KATNIP: variants seen among roughly 807,000 people sequenced by gnomAD.
The protein encoded by KATNIP is katanin interacting protein.
Under a neutral mutation model 174.0 loss-of-function variants are expected in KATNIP, and 126 were observed. The ratio of observed to expected loss-of-function variants is 0.72; its 90% CI spans 0.63 to 0.84. The LOEUF (loss-of-function observed/expected upper bound fraction) is 0.84, where lower values mean the gene tolerates loss of function less well. KATNIP is among the 40% of genes least tolerant of loss of function. KATNIP has a pLI of 0.00. For synonymous variants in KATNIP, 810 were observed against 835.7 expected, an observed-to-expected ratio of 0.97 and a Z score of 0.53; for missense variants, 1,958 against 2,109.7, an observed-to-expected ratio of 0.93 and a Z score of 1.41.
In KATNIP at chr16:27,777,986, T is replaced by C. The variant is rs778330905; in HGVS notation, c.4801+17T>C. On this transcript the variant is annotated intron_variant, in intron 27 of 27. Transcript: ENST00000261588. The surrounding 1 kb of genome is among the most constrained non-coding windows in gnomAD (Gnocchi z 4.4). Reference sequence around the variant, plus strand: ...TTGACCCAGGTCAGTGGCGTTTCTCTGCCCAGAGCATTGTGCCTTGGGAGC... The same window carrying C: ...TTGACCCAGGTCAGTGGCGTTTCTCCGCCCAGAGCATTGTGCCTTGGGAGC... The C allele has an allele frequency of 3.1e-6, 5 of 1,610,978 alleles. No individual in the cohort carries two copies. In the African/African-American group the frequency reaches 5.3e-5, roughly 17 times the overall value.
intron 5 of KATNIP, among the ~76,000 whole-genome samples, chr16:27,633,870 T>G (rs144264119): frequency 2.0e-5 from 3 of 152,324 alleles, no homozygotes; most frequent in African/African-American, 7.2e-5. Context: ...GTGATCTTTC[T>G]GCCTCCCCAC....
chr16:27,776,904 T>A lies in KATNIP; in HGVS notation c.4450-24T>A. The stretch of plus-strand genomic sequence containing the variant: ...GCCTCTGTTTCCAAACATGCCTGTT[T>A]TAATTAGTGCCGCTCTCTGACAGGT... On this transcript the variant is annotated intron_variant, in intron 24 of 27. Transcript: ENST00000261588. This position sits in a 1 kb window ranked among gnomAD's most constrained non-coding sequence, Gnocchi z 4.7. 6.5e-7 allele frequency: 1 copy of A among 1,543,036 alleles called. No homozygotes were observed. The highest frequency in any genetic ancestry group is 9.0e-7 in the Non-Finnish European group (1 of 1,115,730).
intron 2 of KATNIP, among the ~76,000 whole-genome samples, chr16:27,607,061 G>T (rs2075731330): frequency 6.6e-6 from 1 of 152,186 alleles, no homozygotes; most frequent in South Asian, 2.1e-4. Flanking sequence ...GGGAGGCATA[G>T]CTTGGGAAGC....
chr16:27,768,513 A>C (rs931219041), intron 20 of KATNIP, among the ~76,000 whole-genome samples: 2 of 152,170 alleles, frequency 1.3e-5, no homozygotes, highest in African/African-American at 4.8e-5. Context: ...TGGCAGCTCC[A>C]GGCTTATGTC....
At chr16:27,560,838 C>T (rs2089852400) in intron 1 of KATNIP, among the ~76,000 whole-genome samples, 1 of 152,148 alleles carries the variant, frequency 6.6e-6, no homozygotes, top group Non-Finnish European at 1.5e-5. Flanking sequence ...AGGACTGGCA[C>T]AGGCAGATCC....
At chr16:27,577,907 T>C (rs2090558171) in intron 2 of KATNIP, among the ~76,000 whole-genome samples, 1 of 152,038 alleles carries the variant, frequency 6.6e-6, no homozygotes, top group African/African-American at 2.4e-5. Context: ...AAAATAAAAG[T>C]TCCCAGGTGA....
chr16:27,606,849 A>G (rs1465422188), intron 2 of KATNIP, among the ~76,000 whole-genome samples: 1 of 151,964 alleles, frequency 6.6e-6, no homozygotes, highest in Non-Finnish European at 1.5e-5. Context: ...TATAGGCATG[A>G]GCCATCGTGC....
chr16:27,684,324 T>A (rs1208581427), intron 8 of KATNIP, among the ~76,000 whole-genome samples: 2 of 152,214 alleles, frequency 1.3e-5, no homozygotes, highest in African/African-American at 4.8e-5. Context: ...GAATCTCTGC[T>A]CTTAATTACT....
chr16:27,633,034 GC>G (rs1315562311), intron 5 of KATNIP, among the ~76,000 whole-genome samples: 4 of 152,154 alleles, frequency 2.6e-5, no homozygotes, highest in African/African-American at 9.7e-5. Flanking sequence ...ACAGGCATGA[GC>G]CACCGCGCCC....
At chr16:27,747,013 C>T (rs554570978) in intron 15 of KATNIP, among the ~76,000 whole-genome samples, 6 of 152,264 alleles carry the variant, frequency 3.9e-5, no homozygotes, top group African/African-American at 1.4e-4. Flanking sequence ...AAGGATGGTG[C>T]CTAGGGAAGA....
chr16:27,704,145 G>C (rs2079208506), intron 12 of KATNIP, 147 bp downstream of exon 12: 1 of 654,080 alleles, frequency 1.5e-6, no homozygotes, highest in East Asian at 2.8e-5. Flanking sequence ...CTGGCACACA[G>C]AGGTATATAT....
intron 13 of KATNIP, chr16:27,718,405 T>A (rs1165999416): frequency 6.6e-6 from 1 of 152,258 alleles, no homozygotes; most frequent in Admixed American, 6.5e-5. Context: ...TTTCCCAGCA[T>A]GTGCCAGGTC....
intron 8 of KATNIP, among the ~76,000 whole-genome samples, chr16:27,682,975 A>G (rs1057413512): frequency 6.6e-6 from 1 of 152,198 alleles, no homozygotes; most frequent in Admixed American, 6.5e-5. Context: ...ACCAGCAAGA[A>G]GGCCCTCGTC....
chr16:27,559,128 G>A (rs547447084), intron 1 of KATNIP, among the ~76,000 whole-genome samples: 1 of 152,290 alleles, frequency 6.6e-6, no homozygotes, highest in South Asian at 2.1e-4. Context: ...GAGCAATGTG[G>A]TTGGTTGCAA....
In KATNIP at chr16:27,637,886, G is replaced by A. The variant is rs977798474; in HGVS notation, c.408+6724G>A. ...GAAAGGACCGCCCATGGGAGCAAGG[G>A]GCTACAGGAGGACCAGGAAGCCTTT... On this transcript the variant is annotated intron_variant, in intron 5 of 27. Transcript: ENST00000261588. This position sits in a 1 kb window ranked among gnomAD's most constrained non-coding sequence, Gnocchi z 4.7. Among the ~76,000 whole-genome samples the A allele has an allele frequency of 1.3e-5, 2 of 152,102 alleles. No homozygotes were observed. The highest frequency in any genetic ancestry group is 2.9e-5 in the Non-Finnish European group (2 of 68,018).
Position 27,681,472 on chromosome 16 carries a change from G to A in KATNIP, c.882G>A (p.Glu294=). The part of the protein sequence containing the change: ...NAEVFVPTKP[E]PNLTPQAPAV... ...AGGTTTTCGTTCCCACCAAACCTGA[G>A]CCAAACCTGACTCCCCAAGCTCCTG... is the stretch of plus-strand genomic sequence containing the variant. Residue 294 remains glutamate (E), a synonymous_variant, in exon 8 of 28, where the codon GAG becomes GAA. Coordinates refer to ENST00000261588, the MANE Select transcript of KATNIP (RefSeq NM_015202.5). 6.2e-7 allele frequency: 1 copy of A among 1,614,190 alleles called. No homozygotes were observed. The highest frequency in any genetic ancestry group is 8.5e-7 in the Non-Finnish European group (1 of 1,180,018).
rs1407422850 is a variant in KATNIP, at chr16:27,775,008, C to T, written c.4373C>T (p.Pro1458Leu). The T allele has an allele frequency of 1.9e-6, 3 of 1,613,824 alleles. No homozygotes were observed. The highest frequency in any genetic ancestry group is 2.5e-6 in the Non-Finnish European group (3 of 1,179,912). The change falls in exon 24 of 28, where the codon CCA becomes CTA. Residue 1458 changes from proline (P) to leucine (L), a missense_variant. Physicochemically the swap from Pro to Leu is moderately conservative, Grantham distance 98. This residue lies in a region of KATNIP where 383 missense variants were observed against 456.0 expected (regional missense o/e 0.84). Transcript: ENST00000261588. ...GGTGTGGGCGGGGACGTCCGCACCC[C>T]AGACAAGCTCATCGACCAAGTGAAC... ...LEGVGGDVRT[P>L]DKLIDQVNDT...
chr16:27,629,716 C>T (rs1276522176), intron 4 of KATNIP, among the ~76,000 whole-genome samples: 2 of 152,302 alleles, frequency 1.3e-5, no homozygotes, highest in Non-Finnish European at 2.9e-5. Context: ...GTTTGCTCAT[C>T]TTTAAAATGG....
At chr16:27,604,393 C>T (rs1266394552) in intron 2 of KATNIP, among the ~76,000 whole-genome samples, 3 of 152,136 alleles carry the variant, frequency 2.0e-5, no homozygotes, top group African/African-American at 7.2e-5. Context: ...ACCACCACGC[C>T]CAGCTACTTT....
Sources: allele counts gnomAD v4.1 joint callset (sites outside exome capture counted in the v4.1 genomes callset), GRCh38; gene constraint gnomAD v4.1.1; regional missense constraint gnomAD v4.1.1; non-coding constraint Gnocchi (gnomAD v3.1); transcripts MANE v1.5; gene names NCBI Gene and HGNC (gene_info 2026-07-23, HGNC 2026-07-21).